The following PSMA6 variants were observed in gnomAD, a reference collection of about 807,000 sequenced individuals.
PSMA6 encodes the protein proteasome subunit alpha type-6.
For synonymous variants in PSMA6, 88 were observed against 97.7 expected (o/e 0.90, Z 0.59); for missense variants, 170 against 294.8 (o/e 0.58, Z 3.10).
chr14:35,307,932 A>G, intron 1 of PSMA6, 62 bp from the exon 2 acceptor site: 1 of 1,486,748 alleles, frequency 6.7e-7, no homozygotes, highest in Non-Finnish European at 9.3e-7. Context: ...AATGACTATT[A>G]TTTCATTGCA....
chr14:35,281,608 A>G (rs1369071130), intron 1 of PSMA6, among the ~76,000 whole-genome samples: 2 of 152,210 alleles, frequency 1.3e-5, no homozygotes, highest in Admixed American at 1.3e-4. Flanking sequence ...TGTGAGTCCA[A>G]GTCCTGAGTC....
chr14:35,304,173 A>G (rs983527556), intron 1 of PSMA6, among the ~76,000 whole-genome samples: 1 of 152,110 alleles, frequency 6.6e-6, no homozygotes, highest in Non-Finnish European at 1.5e-5. Flanking sequence ...CGGTTTCACC[A>G]TGTCGGCCAG....
At chr14:35,294,299 G>T (rs2051541187) in intron 1 of PSMA6, among the ~76,000 whole-genome samples, 2 of 152,180 alleles carry the variant, frequency 1.3e-5, no homozygotes, top group South Asian at 4.1e-4. Context: ...CCAAAGTGCT[G>T]GGATTACAGG....
Position 35,304,240 on chromosome 14 carries a change from T to C in PSMA6, c.77-3754T>C, listed in dbSNP as rs561754964. On this transcript the variant is annotated intron_variant, in intron 1 of 6. Coordinates refer to ENST00000261479, the MANE Select transcript of PSMA6 (RefSeq NM_002791.3). Reference sequence around the variant, plus strand: ...TGCCTGTCTCTGCCTCCCAAAGTGCTGGGATTACAGGTGTCAGCCACCACG... The same window carrying C: ...TGCCTGTCTCTGCCTCCCAAAGTGCCGGGATTACAGGTGTCAGCCACCACG... Among the ~76,000 whole-genome samples the C allele has an allele frequency of 3.3e-5, 5 of 152,278 alleles. No homozygotes were observed. In the East Asian group the frequency reaches 9.6e-4, roughly 29 times the overall value.
rs149499023 is a variant in PSMA6, at chr14:35,299,023, T to C, written c.76+6471T>C. On this transcript the variant is annotated intron_variant, in intron 1 of 6. Transcript: ENST00000261479. ...TACTGGTATTATAGGCGTGAGTCAC[T>C]GCGTCCAGCTATTTATTTTTTGAGA... 2.3e-3 allele frequency among the ~76,000 whole-genome samples: 350 copies of C among 151,982 alleles called. 2 individuals are homozygous for C. The highest frequency in any genetic ancestry group is 7.9e-3 in the African/African-American group (329 of 41,450).
At chr14:35,311,797 A>G (rs1365119969) in intron 4 of PSMA6, among the ~76,000 whole-genome samples, 2 of 152,190 alleles carry the variant, frequency 1.3e-5, no homozygotes, top group African/African-American at 2.4e-5. Context: ...GTGACTTACT[A>G]GAGGAGTATA....
chr14:35,286,641 T>A (rs2051424847), intron 1 of PSMA6, among the ~76,000 whole-genome samples: 1 of 152,210 alleles, frequency 6.6e-6, no homozygotes. Context: ...TCATGTATAG[T>A]TGTATTTAAA....
At chr14:35,289,504 G>T (rs10130153), upstream of PSMA6, among the ~76,000 whole-genome samples, 21,346 of 125,398 alleles carry the variant, frequency 0.17, 2,795 homozygotes, top group African/African-American at 0.39. Context: ...GGCTTTTTTT[G>T]TTGTTGTTGT....
At chr14:35,283,494 A>G (rs1275833526) in intron 1 of PSMA6, among the ~76,000 whole-genome samples, 2 of 151,534 alleles carry the variant, frequency 1.3e-5, no homozygotes, top group African/African-American at 4.9e-5. Context: ...TTTTTACTTC[A>G]TCTTCTTCAC....
At chr14:35,301,792 CT>C (rs1374729485) in intron 1 of PSMA6, among the ~76,000 whole-genome samples, 2 of 152,150 alleles carry the variant, frequency 1.3e-5, no homozygotes, top group African/African-American at 2.4e-5. Flanking sequence ...GGAAGATACT[CT>C]TTTGTGGCTT....
At chr14:35,282,011 T>C (rs2051371112) in intron 1 of PSMA6, among the ~76,000 whole-genome samples, 1 of 152,232 alleles carries the variant, frequency 6.6e-6, no homozygotes, top group African/African-American at 2.4e-5. Context: ...AGGCTCTGAC[T>C]GGACAAAACT....
chr14:35,283,926 C>A lies in PSMA6; in HGVS notation c.19+5208C>A, dbSNP rs951035054. ...TTTCCATTCCTATTGCTGCTTACCC[C>A]AGTTCAGGCCTTCAAAAACTTTCAC... On this transcript the variant is annotated intron_variant, in intron 1 of 6. Transcript: ENST00000540871. 5.3e-5 allele frequency among the ~76,000 whole-genome samples: 8 copies of A among 152,230 alleles called. No homozygotes were observed. The South Asian group carries it at 1.5e-3, about 28-fold the overall frequency.
At chr14:35,312,791 G>A (rs2051969656) in intron 4 of PSMA6, 90 bp from the exon 5 acceptor site, 1 of 1,195,162 alleles carries the variant, frequency 8.4e-7, no homozygotes, top group Non-Finnish European at 1.2e-6. Flanking sequence ...CCAAAGTCAT[G>A]ATTAGCAGCA....
intron 5 of PSMA6, 63 bp downstream of exon 5, chr14:35,313,122 A>C: frequency 7.2e-7 from 1 of 1,387,902 alleles, no homozygotes; most frequent in South Asian, 1.4e-5. Context: ...ATCTTTGTAT[A>C]ATTTCTATAC....
intron 1 of PSMA6, among the ~76,000 whole-genome samples, chr14:35,281,396 T>C (rs2051364960): frequency 2.6e-5 from 4 of 152,172 alleles, no homozygotes. Context: ...TTCATTTCCT[T>C]TTCTGTTAAG....
At chr14:35,296,751 A>T (rs2051597219) in intron 1 of PSMA6, among the ~76,000 whole-genome samples, 1 of 152,208 alleles carries the variant, frequency 6.6e-6, no homozygotes, top group African/African-American at 2.4e-5. Context: ...CAATTTAAAA[A>T]ATATTCTTAT....
intron 4 of PSMA6, among the ~76,000 whole-genome samples, chr14:35,311,856 T>C (rs143112184): frequency 4.5e-4 from 68 of 152,282 alleles, no homozygotes; most frequent in African/African-American, 1.5e-3. Flanking sequence ...AGGTAGCCTG[T>C]AAGTGTATTT....
chr14:35,315,243 T>C (rs1168124926), intron 6 of PSMA6: 1 of 152,148 alleles, frequency 6.6e-6, no homozygotes, highest in East Asian at 1.9e-4. Context: ...ACACATGGTC[T>C]TGGTTGTGGT....
chr14:35,316,853 A>G, intron 6 of PSMA6: 1 of 172,598 alleles, frequency 5.8e-6, no homozygotes, highest in South Asian at 1.3e-4. Flanking sequence ...GTGACAGAGC[A>G]AGACTCTGTC....
Sources: allele counts gnomAD v4.1 joint callset (sites outside exome capture counted in the v4.1 genomes callset), GRCh38; gene constraint gnomAD v4.1.1; transcripts MANE v1.5; gene names NCBI Gene and HGNC (gene_info 2026-07-23, HGNC 2026-07-21).